Variants in PPP2R2A observed in about 807,000 individuals in gnomAD.
PPP2R2A encodes the protein protein phosphatase 2 regulatory subunit Balpha.
A neutral mutation model predicts 53.2 loss-of-function variants in PPP2R2A; 9 were observed. That is an observed-to-expected ratio of 0.17 (90% CI 0.10 to 0.30). The LOEUF is 0.30. Among genes scored for constraint, PPP2R2A ranks in the 10% least tolerant of loss-of-function variants. The pLI, the probability that PPP2R2A is intolerant of heterozygous loss-of-function variation, is 1.00. For missense variants in PPP2R2A, 235 were observed against 534.6 expected (o/e 0.44, Z 5.53); for synonymous variants, 169 against 174.2 (o/e 0.97, Z 0.23).
chr8:26,319,134 A>G (rs543034732), intron 2 of PPP2R2A, among the ~76,000 whole-genome samples: 3 of 152,294 alleles, frequency 2.0e-5, no homozygotes, highest in African/African-American at 7.2e-5. Flanking sequence ...TGACTGTTAT[A>G]GCGTATGTCA....
rs143407598 is a variant in PPP2R2A at position 26,361,127 on chromosome 8, C to T, written c.613C>T (p.Leu205=). 3.4e-5 allele frequency: 54 copies of T among 1,597,572 alleles called. No individual in the cohort carries two copies. Among genetic ancestry groups the T allele is most frequent in the Non-Finnish European group, 4.3e-5 (51 of 1,175,860 alleles). The change falls in exon 6 of 10, where the codon CTG becomes TTG. Residue 205 remains leucine, a synonymous_variant. Transcript: ENST00000380737. The stretch of plus-strand genomic sequence containing the variant: ...TGATTTGCGGATTAATCTTTGGCAT[C>T]TGGAAATTACAGACAGGAGTTTTAG... ...ADDLRINLWH[L]EITDRSFNIV...
chr8:26,357,042 A>G (rs974954603), intron 4 of PPP2R2A, among the ~76,000 whole-genome samples: 3 of 152,220 alleles, frequency 2.0e-5, no homozygotes, highest in Non-Finnish European at 4.4e-5. Flanking sequence ...TAATGCTAAA[A>G]TAAGTGCTTA....
chr8:26,309,817 A>G (rs1197620075), intron 2 of PPP2R2A, among the ~76,000 whole-genome samples: 1 of 152,186 alleles, frequency 6.6e-6, no homozygotes, highest in Non-Finnish European at 1.5e-5. Flanking sequence ...TTTAAGAATT[A>G]CATTTGCTGT....
chr8:26,370,142 T>C lies in PPP2R2A; in HGVS notation c.1073T>C (p.Met358Thr). The change falls in exon 10 of 10, where the codon ATG becomes ACG. Residue 358 changes from methionine to threonine, a missense_variant. This residue lies in a region of PPP2R2A where 181 missense variants were observed against 409.9 expected (regional missense o/e 0.44). Coordinates refer to ENST00000380737, the MANE Select transcript of PPP2R2A (RefSeq NM_002717.4). This position sits in a 1 kb window ranked among gnomAD's most constrained non-coding sequence, Gnocchi z 6.1. ...CCWNGSDSVV[M>T]TGSYNNFFRM... The stretch of plus-strand genomic sequence containing the variant: ...ACTGTCTATTTTCACAGTGTTGTCA[T>C]GACTGGATCTTACAATAATTTCTTC... The C allele has an allele frequency of 1.2e-6, 2 of 1,613,964 alleles. No homozygotes were observed. Among genetic ancestry groups the C allele is most frequent in the Middle Eastern group, 1.6e-4 (1 of 6,062 alleles).
chr8:26,292,169 A>G, intron 1 of PPP2R2A: 2 of 1,175,790 alleles, frequency 1.7e-6, no homozygotes, highest in Non-Finnish European at 2.1e-6. Flanking sequence ...CCACCTCCCC[A>G]CCTTGCCCCC....
rs1341605306 is a variant in PPP2R2A, at chr8:26,362,169, A to G, written c.638-515A>G. On this transcript the variant is annotated intron_variant, in intron 6 of 9. Transcript: ENST00000380737. This position sits in a 1 kb window ranked among gnomAD's most constrained non-coding sequence, Gnocchi z 4.4. ...AAGATTAGAAAAAGAAATTCACGCA[A>G]GTCATGATGCATGATTGGGTAAATA... Among the ~76,000 whole-genome samples, 1 of 151,656 alleles carries G rather than the reference A, an allele frequency of 6.6e-6. No homozygotes were observed. Among genetic ancestry groups the G allele is most frequent in the Admixed American group, 6.6e-5 (1 of 15,236 alleles).
Position 26,362,562 on chromosome 8 carries a change from T to G in PPP2R2A, c.638-122T>G. On this transcript the variant is annotated intron_variant, in intron 6 of 9. Transcript: ENST00000380737. The surrounding 1 kb of genome is among the most constrained non-coding windows in gnomAD (Gnocchi z 4.4). Reference sequence around the variant, plus strand: ...TTGGAATTTATACTCATAAAAACAGTGGAGTGCAATTCAGAATTAATATTT... The same window carrying G: ...TTGGAATTTATACTCATAAAAACAGGGGAGTGCAATTCAGAATTAATATTT... 1 of 856,588 alleles carries G rather than the reference T, an allele frequency of 1.2e-6. No individual in the cohort carries two copies. The highest frequency in any genetic ancestry group is 1.8e-5 in the South Asian group (1 of 55,638). 53.1% of individuals were successfully genotyped at this position (856,588 alleles called of 1,614,324 possible).
intron 2 of PPP2R2A, among the ~76,000 whole-genome samples, chr8:26,327,090 G>A (rs1033335392): frequency 1.3e-5 from 2 of 152,210 alleles, no homozygotes; most frequent in African/African-American, 4.8e-5. Flanking sequence ...TTACAGGTGT[G>A]CCAAGATCCT....
At chr8:26,305,326 G>A (rs1410872723) in intron 2 of PPP2R2A, among the ~76,000 whole-genome samples, 1 of 152,030 alleles carries the variant, frequency 6.6e-6, no homozygotes, top group East Asian at 1.9e-4. Flanking sequence ...CATTTTGGTT[G>A]CTTTCATGTT....
At chr8:26,364,160 G>A (rs1805254032) in intron 8 of PPP2R2A, among the ~76,000 whole-genome samples, 1 of 151,908 alleles carries the variant, frequency 6.6e-6, no homozygotes, top group Non-Finnish European at 1.5e-5. Context: ...CTGCCACTAT[G>A]TACATTTAAA....
chr8:26,316,192 G>C (rs1484636047), intron 2 of PPP2R2A, among the ~76,000 whole-genome samples: 1 of 152,104 alleles, frequency 6.6e-6, no homozygotes, highest in Non-Finnish European at 1.5e-5. Context: ...ATTTCTAGTA[G>C]AGATGGGGTT....
At chr8:26,307,686 A>T (rs1200274430) in intron 2 of PPP2R2A, among the ~76,000 whole-genome samples, 1 of 152,242 alleles carries the variant, frequency 6.6e-6, no homozygotes, top group Non-Finnish European at 1.5e-5. Flanking sequence ...CTTTGATTAT[A>T]AATGTCTGAG....
At chr8:26,368,965 G>A (rs1242650404) in intron 9 of PPP2R2A, among the ~76,000 whole-genome samples, 5 of 151,792 alleles carry the variant, frequency 3.3e-5, no homozygotes, top group Admixed American at 6.6e-5. Context: ...AAAACTAGCC[G>A]GGCGTGGTGG....
At chr8:26,293,382 A>ATAC in intron 1 of PPP2R2A, 1 of 1,029,650 alleles carries the variant, frequency 9.7e-7, no homozygotes, top group South Asian at 1.4e-5. Context: ...TCTTGCCTGA[A>ATAC]TGTAAGGCTT....
At chr8:26,329,196 G>C (rs771849322) in intron 2 of PPP2R2A, among the ~76,000 whole-genome samples, 2 of 152,120 alleles carry the variant, frequency 1.3e-5, no homozygotes, top group East Asian at 1.9e-4. Context: ...GTTGTGGTCA[G>C]ACAGTATGGT....
chr8:26,362,880 T>TA lies in PPP2R2A; in HGVS notation c.802+33dup. 6.3e-7 allele frequency: 1 copy of TA among 1,588,698 alleles called. No homozygotes were observed. Among genetic ancestry groups the TA allele is most frequent in the East Asian group, 2.2e-5 (1 of 44,668 alleles). On this transcript the variant is annotated intron_variant, in intron 7 of 9. Transcript: ENST00000380737. This position sits in a 1 kb window ranked among gnomAD's most constrained non-coding sequence, Gnocchi z 4.4. ...TTATTGTATCTTTCCTTAAAATGAT[T>TA]ACATATTCTGTTTGTCTGAAATAAG...
At chr8:26,308,873 T>C (rs781172931) in intron 2 of PPP2R2A, among the ~76,000 whole-genome samples, 22 of 151,974 alleles carry the variant, frequency 1.4e-4, no homozygotes, top group Non-Finnish European at 2.1e-4. Flanking sequence ...TATATATATA[T>C]ACTTTTTTTG....
chr8:26,306,088 G>A (rs1563285465), intron 2 of PPP2R2A, among the ~76,000 whole-genome samples: 1 of 151,404 alleles, frequency 6.6e-6, no homozygotes, highest in African/African-American at 2.4e-5. Context: ...CAGGAGAATC[G>A]CTTGAACCCA....
chr8:26,325,811 T>C (rs1037351813), intron 2 of PPP2R2A, among the ~76,000 whole-genome samples: 1 of 152,208 alleles, frequency 6.6e-6, no homozygotes, highest in Non-Finnish European at 1.5e-5. Context: ...ACATAGAGTA[T>C]GTAAACTTTA....
Sources: allele counts gnomAD v4.1 joint callset (sites outside exome capture counted in the v4.1 genomes callset), GRCh38; gene constraint gnomAD v4.1.1; regional missense constraint gnomAD v4.1.1; non-coding constraint Gnocchi (gnomAD v3.1); transcripts MANE v1.5; gene names NCBI Gene and HGNC (gene_info 2026-07-23, HGNC 2026-07-21).